Variants in GRID1 observed in about 807,000 individuals in gnomAD.
GRID1 encodes the protein glutamate ionotropic receptor delta type subunit 1.
Under a neutral mutation model 98.0 loss-of-function variants are expected in GRID1, and 28 were observed. That is an observed-to-expected ratio of 0.29 (90% CI 0.21 to 0.39). GRID1 has a LOEUF of 0.39. Ranked by LOEUF, GRID1 falls within the 10% of genes least tolerant of loss-of-function variation. The pLI is 1.00. For missense variants in GRID1, 1,111 were observed against 1,340.5 expected (o/e 0.83, Z 2.67); for synonymous variants, 553 against 538.5 (o/e 1.03, Z -0.37).
At position 85,946,045 on chromosome 10, in the gene GRID1, T is replaced by C. The variant is rs1270333952; in HGVS notation, c.727-29806A>G. On this transcript the variant is annotated intron_variant, in intron 4 of 15. Transcript: ENST00000327946. ...AGAGTATCTGCCAGGTAGCATTCAA[T>C]TGACATTATCTCATTATTACAAATA... Among the ~76,000 whole-genome samples the C allele has an allele frequency of 3.9e-5, 6 of 152,362 alleles. No homozygotes were observed. In the South Asian group the frequency reaches 8.3e-4, roughly 21 times the overall value.
chr10:85,772,021 T>G (rs1205081176), intron 8 of GRID1, among the ~76,000 whole-genome samples: 2 of 152,174 alleles, frequency 1.3e-5, no homozygotes, highest in African/African-American at 4.8e-5. Context: ...GAATATACAT[T>G]CTTTTCAGCA....
At chr10:86,119,195 C>T (rs1283237158) in intron 4 of GRID1, among the ~76,000 whole-genome samples, 1 of 151,992 alleles carries the variant, frequency 6.6e-6, no homozygotes, top group African/African-American at 2.4e-5. Context: ...ATTATCCGGG[C>T]ATGGTGGTGT....
At chr10:85,747,529 C>T (rs1413758646) in intron 8 of GRID1, among the ~76,000 whole-genome samples, 1 of 152,168 alleles carries the variant, frequency 6.6e-6, no homozygotes, top group Non-Finnish European at 1.5e-5. Flanking sequence ...CCTCCTTCCT[C>T]CTGCCCCTTC....
chr10:85,873,723 T>G (rs1264303865), intron 5 of GRID1, among the ~76,000 whole-genome samples: 2 of 152,244 alleles, frequency 1.3e-5, no homozygotes, highest in Non-Finnish European at 2.9e-5. Context: ...CTAAACAATG[T>G]GTATGCCTCT....
In GRID1 at chr10:86,297,740, C is replaced by T. The variant is rs187667124; in HGVS notation, c.235+66201G>A. On this transcript the variant is annotated intron_variant, in intron 2 of 15. Transcript: ENST00000327946. ...ATAACTATAATATAAGGAGTTCACA[C>T]AAACCGTTATAAAAAACAAAACTCC... Among the ~76,000 whole-genome samples, 60 of 152,294 alleles carry T rather than the reference C, an allele frequency of 3.9e-4. 1 individual carries two copies. The highest frequency in any genetic ancestry group is 1.4e-3 in the African/African-American group (59 of 41,574).
At chr10:86,130,040 T>C (rs2131965665) in intron 4 of GRID1, among the ~76,000 whole-genome samples, 1 of 152,344 alleles carries the variant, frequency 6.6e-6, no homozygotes. Context: ...AGGGGCAGGC[T>C]CATCACCCCA....
chr10:86,144,268 G>A (rs1031800580), intron 3 of GRID1, among the ~76,000 whole-genome samples: 1 of 152,178 alleles, frequency 6.6e-6, no homozygotes, highest in Non-Finnish European at 1.5e-5. Context: ...GCCTCGGTGA[G>A]GAGAAGCAGC....
chr10:86,365,937 C>G lies in GRID1; in HGVS notation c.79+377G>C, dbSNP rs545120070. Among the ~76,000 whole-genome samples the G allele has an allele frequency of 1.3e-5, 2 of 152,186 alleles. No homozygotes were observed. The highest frequency in any genetic ancestry group is 4.8e-5 in the African/African-American group (2 of 41,552). On this transcript the variant is annotated intron_variant, in intron 1 of 15. Coordinates refer to ENST00000327946, the MANE Select transcript of GRID1 (RefSeq NM_017551.3). This position sits in a 1 kb window ranked among gnomAD's most constrained non-coding sequence, Gnocchi z 4.8. ...GATCTTGCCCTGCCAACTTGGCGAG[C>G]CCCCCGCTGTACCTCCCCCTGCCCC...
chr10:86,326,862 G>A (rs552136845), intron 2 of GRID1, among the ~76,000 whole-genome samples: 15 of 152,316 alleles, frequency 9.8e-5, no homozygotes, highest in Admixed American at 5.9e-4. Context: ...TTGGCCAGGC[G>A]CAATGGTTCG....
intron 4 of GRID1, among the ~76,000 whole-genome samples, chr10:86,046,534 T>A (rs757880129): frequency 6.6e-6 from 1 of 152,218 alleles, no homozygotes; most frequent in Non-Finnish European, 1.5e-5. Context: ...ATAGTCAGCA[T>A]GATCACATCA....
At chr10:85,983,241 C>T (rs61855986) in intron 4 of GRID1, among the ~76,000 whole-genome samples, 4 of 152,312 alleles carry the variant, frequency 2.6e-5, no homozygotes, top group East Asian at 1.9e-4. Flanking sequence ...CTCTGTCACA[C>T]GTGCTGGTTG....
intron 4 of GRID1, among the ~76,000 whole-genome samples, chr10:86,125,673 C>T (rs1189643926): frequency 6.6e-6 from 1 of 152,090 alleles, no homozygotes; most frequent in Non-Finnish European, 1.5e-5. Flanking sequence ...TCTCCTTCCT[C>T]CCCTTATCCC....
intron 3 of GRID1, among the ~76,000 whole-genome samples, chr10:86,182,952 C>T (rs576403614): frequency 3.3e-5 from 5 of 152,262 alleles, no homozygotes; most frequent in African/African-American, 1.2e-4. Context: ...GAAAAGGCAA[C>T]GGAATTTGTT....
At position 86,000,884 on chromosome 10, in the gene GRID1, A is replaced by G. The variant is rs552288421; in HGVS notation, c.727-84645T>C. 4.6e-5 allele frequency among the ~76,000 whole-genome samples: 7 copies of G among 152,286 alleles called. 1 individual carries two copies. Among genetic ancestry groups the G allele is most frequent in the Non-Finnish European group, 7.4e-5 (5 of 68,020 alleles). On this transcript the variant is annotated intron_variant, in intron 4 of 15. Coordinates refer to ENST00000327946, the MANE Select transcript of GRID1 (RefSeq NM_017551.3). Reference sequence around the variant, plus strand: ...GGGTGTTACTCAACAAGAATAAAAAATTCATACCAGAAAAAGCTTTTAGTG... The same window carrying G: ...GGGTGTTACTCAACAAGAATAAAAAGTTCATACCAGAAAAAGCTTTTAGTG...
Position 86,123,785 on chromosome 10 carries a change from GCA to G in GRID1, c.726+15032_726+15033del, listed in dbSNP as rs528076861. ...TTGGAGCAGCAAGGCAGGCCCATGT[GCA>G]CACACATTAATAATGTGCAAAGCTC... On this transcript the variant is annotated intron_variant, in intron 4 of 15. Transcript: ENST00000327946. 1.3e-4 allele frequency among the ~76,000 whole-genome samples: 20 copies of G among 152,320 alleles called. No homozygotes were observed. The East Asian group carries it at 3.7e-3, about 28-fold the overall frequency.
At chr10:86,177,869 T>C (rs1029636630) in intron 3 of GRID1, among the ~76,000 whole-genome samples, 1 of 152,142 alleles carries the variant, frequency 6.6e-6, no homozygotes, top group African/African-American at 2.4e-5. Context: ...TGTGTGTGTG[T>C]GCATGAAAGA....
chr10:85,931,383 A>C (rs1021848396), intron 4 of GRID1, among the ~76,000 whole-genome samples: 3 of 152,056 alleles, frequency 2.0e-5, no homozygotes, highest in African/African-American at 7.2e-5. Context: ...TATTTCTCTG[A>C]TATTTGCCTT....
chr10:85,827,513 A>G (rs562211563), intron 8 of GRID1, among the ~76,000 whole-genome samples: 1 of 152,338 alleles, frequency 6.6e-6, no homozygotes, highest in South Asian at 2.1e-4. Flanking sequence ...TCTATGACTC[A>G]TAGGCCAAAT....
intron 4 of GRID1, among the ~76,000 whole-genome samples, chr10:85,960,691 C>G (rs530982005): frequency 6.6e-6 from 1 of 152,340 alleles, no homozygotes; most frequent in Admixed American, 6.5e-5. Flanking sequence ...CTTGCATTAA[C>G]AATTGCCGCT....
Sources: allele counts gnomAD v4.1 joint callset (sites outside exome capture counted in the v4.1 genomes callset), GRCh38; gene constraint gnomAD v4.1.1; non-coding constraint Gnocchi (gnomAD v3.1); transcripts MANE v1.5; gene names NCBI Gene and HGNC (gene_info 2026-07-23, HGNC 2026-07-21).